Variants in CDHR3 observed in about 807,000 individuals in gnomAD.
CDHR3 encodes the protein cadherin related family member 3, also known as cadherin-related family member 3.
A neutral mutation model predicts 86.6 loss-of-function variants in CDHR3; 79 were observed. That is an observed-to-expected ratio of 0.91 (90% CI 0.76 to 1.10). The LOEUF is 1.10. Ranked by LOEUF, CDHR3 falls within the 50% of genes least tolerant of loss-of-function variation. The probability of loss-of-function intolerance (pLI) is 0.00; values close to 1 mark genes in which losing one functional copy is unlikely to be tolerated. For synonymous variants in CDHR3, 421 were observed against 402.4 expected (o/e 1.05, Z -0.55); for missense variants, 1,081 against 1,077.6 (o/e 1.00, Z -0.04).
intron 1 of CDHR3, among the ~76,000 whole-genome samples, chr7:105,968,956 C>G (rs1181072156): frequency 6.6e-6 from 1 of 150,994 alleles, no homozygotes; most frequent in South Asian, 2.1e-4. Flanking sequence ...GGCGTGGTGG[C>G]GGGCACCTGT....
At chr7:106,031,140 G>A (rs969352011) in intron 18 of CDHR3, among the ~76,000 whole-genome samples, 1 of 152,172 alleles carries the variant, frequency 6.6e-6, no homozygotes. Context: ...TTACAAACCA[G>A]TTGAGGGAAC....
In CDHR3 at chr7:106,013,043, G is replaced by C. The variant is rs1563285796; in HGVS notation, c.1224+12G>C. 1 of 1,571,082 alleles carries C rather than the reference G, an allele frequency of 6.4e-7. No homozygotes were observed. Among genetic ancestry groups the C allele is most frequent in the Non-Finnish European group, 8.6e-7 (1 of 1,159,474 alleles). ...CTGGGAAGATTGTGGTCAGTTAATGGTCATTGCATCATTAAAAGGGCATCG... is the reference window on the plus strand; with the variant it reads ...CTGGGAAGATTGTGGTCAGTTAATGCTCATTGCATCATTAAAAGGGCATCG... On this transcript the variant is annotated intron_variant, in intron 9 of 18. Transcript: ENST00000317716.
chr7:105,997,952 T>C (rs1204893534), intron 6 of CDHR3, among the ~76,000 whole-genome samples: 1 of 152,092 alleles, frequency 6.6e-6, no homozygotes. Flanking sequence ...CTTTTTTTTT[T>C]TAAGTCAGTC....
intron 1 of CDHR3, among the ~76,000 whole-genome samples, chr7:105,967,006 C>T (rs1411603195): frequency 6.6e-6 from 1 of 151,240 alleles, no homozygotes; most frequent in Non-Finnish European, 1.5e-5. Context: ...GCACAATGTT[C>T]AGGTTTGTTA....
chr7:106,022,519 G>A (rs1011775243), intron 14 of CDHR3, 71 bp downstream of exon 14: 108 of 1,563,692 alleles, frequency 6.9e-5, no homozygotes, highest in Middle Eastern at 1.8e-4. Context: ...TTCTTTCCCC[G>A]GCCTGGAGGT....
Position 106,030,769 on chromosome 7 carries a change from T to G in CDHR3, c.2305-23T>G, listed in dbSNP as rs756302575. 2 of 1,605,320 alleles carry G rather than the reference T, an allele frequency of 1.2e-6. No individual in the cohort carries two copies. The highest frequency in any genetic ancestry group is 2.2e-5 in the East Asian group (1 of 44,720). Reference sequence around the variant, plus strand: ...GGAAGGAATGTAGGATTGTGTTTGATGCTGTCTCTGTCTTCTCCTTAGGAA... The same window carrying G: ...GGAAGGAATGTAGGATTGTGTTTGAGGCTGTCTCTGTCTTCTCCTTAGGAA... On this transcript the variant is annotated intron_variant, in intron 17 of 18. Coordinates refer to ENST00000317716, the MANE Select transcript of CDHR3 (RefSeq NM_152750.5). The surrounding 1 kb of genome is among the most constrained non-coding windows in gnomAD (Gnocchi z 4.8).
At chr7:106,014,771 G>A (rs796118468) in intron 9 of CDHR3, among the ~76,000 whole-genome samples, 11 of 152,306 alleles carry the variant, frequency 7.2e-5, no homozygotes, top group African/African-American at 2.6e-4. Context: ...CAGATAATAA[G>A]GGGGGACTAC....
At chr7:105,976,969 A>G (rs1226620544) in intron 2 of CDHR3, among the ~76,000 whole-genome samples, 1 of 148,898 alleles carries the variant, frequency 6.7e-6, no homozygotes, top group Non-Finnish European at 1.5e-5. Flanking sequence ...AGGCACATTC[A>G]CATACCTGAT....
intron 1 of CDHR3, among the ~76,000 whole-genome samples, chr7:105,966,202 T>C (rs553347745): frequency 9.3e-4 from 141 of 152,328 alleles, no homozygotes; most frequent in African/African-American, 3.2e-3. Context: ...AGAAGGACCC[T>C]TGGTATTTTT....
chr7:105,982,468 CAAAAAAAAAAAAGAA>C (rs1356734684), intron 3 of CDHR3, among the ~76,000 whole-genome samples: 5 of 111,988 alleles, frequency 4.5e-5, no homozygotes, highest in East Asian at 2.6e-4. Flanking sequence ...GACTCTGTCT[CAAAAAAAAAAAAGAA>C]AAAAAAAAAA....
chr7:106,019,403 T>A (rs1585807058), intron 12 of CDHR3, among the ~76,000 whole-genome samples: 1 of 151,232 alleles, frequency 6.6e-6, no homozygotes, highest in Non-Finnish European at 1.5e-5. Flanking sequence ...TTTTTTTTTT[T>A]AAAGAAAATG....
chr7:105,994,627 C>T, intron 4 of CDHR3, 124 bp from the exon 5 acceptor site: 3 of 708,662 alleles, frequency 4.2e-6, no homozygotes, highest in Non-Finnish European at 5.1e-6. Context: ...CTTTGAACCG[C>T]ATCCTGATGC....
Position 105,994,764 on chromosome 7 carries a change from C to G in CDHR3, c.527C>G (p.Ser176Cys). Residue 176 changes from serine to cysteine, a missense_variant, in exon 5 of 19, where the codon TCT (serine) becomes TGT (cysteine). Ser to Cys is a moderately radical substitution (Grantham distance 112). Coordinates refer to ENST00000317716, the MANE Select transcript of CDHR3 (RefSeq NM_152750.5). ...CTTGTTTTTTAGTATTTCCTGATTT[C>G]TCCCCCAAAGAGCTTCAGAATGTCT... Reference protein sequence around the residue: ...RNIPLSYFLISPPKSFRMSAN... With the variant: ...RNIPLSYFLICPPKSFRMSAN... The G allele has an allele frequency of 1.9e-6, 3 of 1,611,202 alleles. No homozygotes were observed. Among genetic ancestry groups the G allele is most frequent in the Non-Finnish European group, 2.5e-6 (3 of 1,178,582 alleles).
intron 4 of CDHR3, among the ~76,000 whole-genome samples, chr7:105,984,720 C>A (rs1397400574): frequency 6.6e-6 from 1 of 152,084 alleles, no homozygotes; most frequent in Non-Finnish European, 1.5e-5. Context: ...CACCCCAAAT[C>A]CAAGCATTTA....
In CDHR3 at chr7:106,020,380, T is replaced by C. The variant is rs1465701136; in HGVS notation, c.1661T>C (p.Val554Ala). Residue 554 changes from valine to alanine, a missense_variant, in exon 13 of 19, where the codon GTG (valine) becomes GCG (alanine). Physicochemically the swap from Val to Ala is moderately conservative, Grantham distance 64 (BLOSUM62 0). Coordinates refer to ENST00000317716, the MANE Select transcript of CDHR3 (RefSeq NM_152750.5). ...NEDTSSVTVTVNILEENDEKP... is the reference protein window; with the variant it reads ...NEDTSSVTVTANILEENDEKP... Reference sequence around the variant, plus strand: ...ACCTTCTTGCTACTCTAGGTTACTGTGAACATCCTTGAAGAAAATGATGAA... The same window carrying C: ...ACCTTCTTGCTACTCTAGGTTACTGCGAACATCCTTGAAGAAAATGATGAA... 6 of 1,608,690 alleles carry C rather than the reference T, an allele frequency of 3.7e-6. No homozygotes were observed. The highest frequency in any genetic ancestry group is 3.4e-5 in the Admixed American group (2 of 59,208).
rs745946514 is a variant in CDHR3 at position 105,984,254 on chromosome 7, G to A, written c.478G>A (p.Asp160Asn). ...ATTCATTTACCAGGTTGAGGCCTTC[G>A]ATCCAGAAGACACAAGCCGAAACAT... ...PGFIYQVEAF[D>N]PEDTSRNIPL... The change falls in exon 4 of 19, where the codon GAT (aspartate) becomes AAT (asparagine). Residue 160 changes from aspartate to asparagine, a missense_variant. Transcript: ENST00000317716. 17 of 1,610,118 alleles carry A rather than the reference G, an allele frequency of 1.1e-5. No individual in the cohort carries two copies. The highest frequency in any genetic ancestry group is 8.4e-5 in the Admixed American group (5 of 59,852).
rs1835909122 is a variant in CDHR3, at chr7:106,017,899, A to G, written c.1480A>G (p.Ser494Gly). ...CACTGATAAAGACCTCCCCCAGAGC[A>G]GCCTCCTGTACTCCATCTCCACTGG... Reference protein sequence around the residue: ...RATDKDLPQSSLLYSISTGGA... With the variant: ...RATDKDLPQSGLLYSISTGGA... The change falls in exon 12 of 19, where the codon AGC becomes GGC. Residue 494 changes from serine (S) to glycine (G), a missense_variant. Physicochemically the swap from Ser to Gly is moderately conservative, Grantham distance 56. Transcript: ENST00000317716. 4 of 1,607,716 alleles carry G rather than the reference A, an allele frequency of 2.5e-6. No homozygotes were observed. Among genetic ancestry groups the G allele is most frequent in the Non-Finnish European group, 3.4e-6 (4 of 1,176,880 alleles).
chr7:105,984,056 A>AT (rs995437821), intron 3 of CDHR3, 136 bp from the exon 4 acceptor site: 22 of 486,240 alleles, frequency 4.5e-5, no homozygotes, highest in African/African-American at 9.8e-5. Context: ...TTGCTCATGG[A>AT]TTTTTTTATT....
chr7:106,011,047 C>T (rs928102619), intron 8 of CDHR3, among the ~76,000 whole-genome samples: 6 of 152,140 alleles, frequency 3.9e-5, no homozygotes, highest in African/African-American at 9.7e-5. Context: ...CAGCTGAGGC[C>T]GATGGTCAGT....
Sources: allele counts gnomAD v4.1 joint callset (sites outside exome capture counted in the v4.1 genomes callset), GRCh38; gene constraint gnomAD v4.1.1; non-coding constraint Gnocchi (gnomAD v3.1); transcripts MANE v1.5; gene names NCBI Gene and HGNC (gene_info 2026-07-23, HGNC 2026-07-21).